The following FAT3 variants were observed in gnomAD, a reference collection of about 807,000 sequenced individuals.
FAT3 encodes protocadherin Fat 3.
In FAT3, 95 loss-of-function variants were observed where a neutral mutation model predicts 310.2. That is an observed-to-expected ratio of 0.31 (90% CI 0.26 to 0.36). The LOEUF (loss-of-function observed/expected upper bound fraction) is 0.36, where lower values mean the gene tolerates loss of function less well. FAT3 is among the 10% of genes least tolerant of loss of function. FAT3 has a pLI of 1.00. For synonymous variants in FAT3, 2,314 were observed against 2,192.9 expected (o/e 1.06, Z -1.54); for missense variants, 5,408 against 5,715.6 (o/e 0.95, Z 1.74).
intron 2 of FAT3, chr11:92,366,687 T>C (rs1949031033): frequency 1.9e-6 from 1 of 535,874 alleles, no homozygotes; most frequent in Non-Finnish European, 3.8e-6. Flanking sequence ...GTTGGAAGGC[T>C]GTTTCCATGG....
At chr11:92,631,415 T>C (rs1015591388) in intron 3 of FAT3, among the ~76,000 whole-genome samples, 2 of 152,098 alleles carry the variant, frequency 1.3e-5, no homozygotes, top group African/African-American at 4.8e-5. Flanking sequence ...TCCCCAGGTG[T>C]TGAGGGAGGG....
At chr11:92,721,805 A>T (rs1225236334) in intron 4 of FAT3, among the ~76,000 whole-genome samples, 1 of 152,168 alleles carries the variant, frequency 6.6e-6, no homozygotes. Flanking sequence ...GATGAAAGGC[A>T]TATCTTATGT....
intron 3 of FAT3, among the ~76,000 whole-genome samples, chr11:92,660,130 T>G (rs1044406694): frequency 6.6e-5 from 10 of 152,090 alleles, no homozygotes; most frequent in African/African-American, 2.4e-4. Flanking sequence ...TAGCAAGAGT[T>G]CTACATAATA....
chr11:92,256,554 C>T (rs1347081230), intron 1 of FAT3, among the ~76,000 whole-genome samples: 1 of 151,922 alleles, frequency 6.6e-6, no homozygotes, highest in African/African-American at 2.4e-5. Context: ...AAGTGTGAAA[C>T]CAAAAGAAAA....
At chr11:92,760,855 C>T (rs1946133502) in intron 4 of FAT3, among the ~76,000 whole-genome samples, 2 of 152,132 alleles carry the variant, frequency 1.3e-5, no homozygotes, top group Non-Finnish European at 2.9e-5. Flanking sequence ...TGTATGTGCT[C>T]TTCATTACTC....
At chr11:92,330,965 G>GGT (rs375080524) in intron 1 of FAT3, among the ~76,000 whole-genome samples, 1,435 of 135,954 alleles carry the variant, frequency 0.011, 4 homozygotes, top group East Asian at 0.019. Context: ...AGGAGTAAAG[G>GGT]GTGTGTGTGT....
chr11:92,795,073 G>C (rs1180688836), intron 9 of FAT3, among the ~76,000 whole-genome samples: 1 of 152,156 alleles, frequency 6.6e-6, no homozygotes, highest in Non-Finnish European at 1.5e-5. Context: ...AGTAACTACG[G>C]AAGCTTTTTA....
chr11:92,849,324 T>C (rs1415561175), intron 19 of FAT3, among the ~76,000 whole-genome samples: 1 of 152,154 alleles, frequency 6.6e-6, no homozygotes, highest in Non-Finnish European at 1.5e-5. Flanking sequence ...TTTTCTATAT[T>C]CCTGGCATAG....
At chr11:92,655,157 G>C (rs1942533924) in intron 3 of FAT3, among the ~76,000 whole-genome samples, 1 of 152,078 alleles carries the variant, frequency 6.6e-6, no homozygotes, top group African/African-American at 2.4e-5. Context: ...ACATGTATTA[G>C]TTATCATGTG....
At chr11:92,521,512 T>C (rs1033927802) in intron 2 of FAT3, among the ~76,000 whole-genome samples, 1 of 116,404 alleles carries the variant, frequency 8.6e-6, no homozygotes, top group Non-Finnish European at 1.8e-5. Flanking sequence ...GTACTCAGCA[T>C]GTGCTATGCC....
chr11:92,314,890 G>A (rs1313685064), intron 1 of FAT3, among the ~76,000 whole-genome samples: 1 of 152,142 alleles, frequency 6.6e-6, no homozygotes, highest in Non-Finnish European at 1.5e-5. Flanking sequence ...GCACAGCAGT[G>A]ATAGTGAGGG....
At chr11:92,576,058 A>T (rs1211769628) in intron 3 of FAT3, among the ~76,000 whole-genome samples, 3 of 152,268 alleles carry the variant, frequency 2.0e-5, no homozygotes, top group Admixed American at 6.5e-5. Context: ...TCTGAAGTAT[A>T]ATCTCTGCCA....
intron 4 of FAT3, among the ~76,000 whole-genome samples, chr11:92,734,154 A>G (rs1450239495): frequency 6.6e-6 from 1 of 152,166 alleles, no homozygotes; most frequent in Non-Finnish European, 1.5e-5. Context: ...TTGTGGTAAG[A>G]ATTCTTAATA....
intron 2 of FAT3, among the ~76,000 whole-genome samples, chr11:92,450,050 T>C (rs1938655453): frequency 6.6e-6 from 1 of 152,126 alleles, no homozygotes; most frequent in African/African-American, 2.4e-5. Flanking sequence ...CCTTGTCTTG[T>C]CTAACTCTAA....
chr11:92,266,068 T>C (rs924679372), intron 1 of FAT3, among the ~76,000 whole-genome samples: 1 of 152,190 alleles, frequency 6.6e-6, no homozygotes, highest in East Asian at 1.9e-4. Flanking sequence ...TAATTACTTT[T>C]TATTATTGAA....
chr11:92,414,855 G>C (rs989792333), intron 2 of FAT3, among the ~76,000 whole-genome samples: 6 of 151,904 alleles, frequency 3.9e-5, no homozygotes, highest in Non-Finnish European at 8.8e-5. Context: ...CTAAAAATAC[G>C]AAAAGTTAGC....
intron 7 of FAT3, 91 bp downstream of exon 7, chr11:92,774,271 G>C: frequency 7.5e-7 from 1 of 1,335,056 alleles, no homozygotes; most frequent in Admixed American, 3.1e-5. Context: ...AATGGAAGTA[G>C]TAAATTATGT....
intron 2 of FAT3, among the ~76,000 whole-genome samples, chr11:92,413,809 G>T (rs920371163): frequency 2.6e-5 from 4 of 152,208 alleles, no homozygotes; most frequent in Non-Finnish European, 4.4e-5. Flanking sequence ...TATGTTGACA[G>T]GCGGGAGAGG....
intron 4 of FAT3, among the ~76,000 whole-genome samples, chr11:92,732,848 A>G (rs745403984): frequency 6.6e-6 from 1 of 152,234 alleles, no homozygotes; most frequent in Non-Finnish European, 1.5e-5. Flanking sequence ...CCTGTCTTCC[A>G]AGGGACAGTT....
Sources: gnomAD v4.1 joint callset for allele counts (sites outside exome capture counted in the v4.1 genomes callset) on GRCh38, gnomAD v4.1.1 for gene constraint, MANE v1.5 for transcripts, NCBI Gene and HGNC (gene_info 2026-07-23, HGNC 2026-07-21) for gene names.